The following MCU variants were observed in gnomAD, a reference collection of about 807,000 sequenced individuals.
MCU encodes calcium uniporter protein, mitochondrial.
MCU carries 12 observed loss-of-function variants against 45.2 expected under a neutral mutation model. That is an observed-to-expected ratio of 0.27 (90% CI 0.17 to 0.43). MCU has a LOEUF of 0.43. Ranked by LOEUF, MCU falls within the 20% of genes least tolerant of loss-of-function variation. The pLI, the probability that MCU is intolerant of heterozygous loss-of-function variation, is 1.00. For synonymous variants in MCU, 160 were observed against 165.1 expected, an observed-to-expected ratio of 0.97 and a Z score of 0.24; for missense variants, 324 against 436.7, an observed-to-expected ratio of 0.74 and a Z score of 2.30.
chr10:72,824,372 A>ATTT, intron 1 of MCU, among the ~76,000 whole-genome samples: 1 of 133,756 alleles, frequency 7.5e-6, no homozygotes, highest in East Asian at 2.8e-4. Flanking sequence ...AATTTTTTGT[A>ATTT]TTTTTTTTTT....
Position 72,707,606 on chromosome 10 carries a change from GGTGTGTGTGTGTGT to G in MCU, c.150+15334_150+15347del, listed in dbSNP as rs373225323. 1.7e-3 allele frequency among the ~76,000 whole-genome samples: 225 copies of G among 135,026 alleles called. 2 individuals are homozygous for G. Among genetic ancestry groups the G allele is most frequent in the African/African-American group, 6.1e-3 (193 of 31,814 alleles). 88.6% of individuals were successfully genotyped at this position (135,026 alleles called of 152,430 possible). A position where few individuals can be genotyped will look rare whatever the true frequency, so the allele number is the denominator to read the frequency against. Reference sequence around the variant, plus strand: ...AAATGAAGAGGTGGTCGTGGTGAGTGGTGTGTGTGTGTGTGTGTGTGTGTGTGTGTGTGTGTGTG... The same window carrying G: ...AAATGAAGAGGTGGTCGTGGTGAGTGGTGTGTGTGTGTGTGTGTGTGTGTG... On this transcript the variant is annotated intron_variant, in intron 1 of 7. Transcript: ENST00000373053.
chr10:72,859,655 C>A (rs931848321), intron 3 of MCU, among the ~76,000 whole-genome samples: 3 of 152,128 alleles, frequency 2.0e-5, no homozygotes, highest in African/African-American at 7.2e-5. Flanking sequence ...GACTTTTTAT[C>A]ATTACTTTCG....
At chr10:72,855,473 T>G (rs1845275202) in intron 2 of MCU, among the ~76,000 whole-genome samples, 2 of 151,792 alleles carry the variant, frequency 1.3e-5, no homozygotes, top group Non-Finnish European at 2.9e-5. Context: ...TCCTAGCCAC[T>G]CAGGAAGCTG....
At chr10:72,827,100 C>A (rs1844809754) in intron 1 of MCU, among the ~76,000 whole-genome samples, 1 of 152,182 alleles carries the variant, frequency 6.6e-6, no homozygotes. Flanking sequence ...GAACATATCC[C>A]TCACAGATAA....
chr10:72,833,683 G>A (rs1844912297), intron 1 of MCU, among the ~76,000 whole-genome samples: 1 of 152,198 alleles, frequency 6.6e-6, no homozygotes, highest in African/African-American at 2.4e-5. Flanking sequence ...AGTGAGAAAT[G>A]TATTCAGTAT....
chr10:72,698,256 G>A (rs1842714501), intron 1 of MCU, among the ~76,000 whole-genome samples: 1 of 152,124 alleles, frequency 6.6e-6, no homozygotes, highest in African/African-American at 2.4e-5. Flanking sequence ...AGTGGTTTAA[G>A]TCAAAGGCAA....
intron 1 of MCU, chr10:72,756,917 A>G (rs1843584637): frequency 6.6e-6 from 1 of 151,946 alleles, no homozygotes; most frequent in African/African-American, 2.4e-5. Context: ...ATACACCTGT[A>G]GTCCCAGGTA....
intron 1 of MCU, among the ~76,000 whole-genome samples, chr10:72,728,343 C>T (rs532021120): frequency 2.0e-4 from 31 of 152,146 alleles, no homozygotes; most frequent in South Asian, 6.2e-4. Flanking sequence ...ATTCGCCAAA[C>T]GAGAAAGGCT....
chr10:72,726,742 A>G (rs192580597), intron 1 of MCU, among the ~76,000 whole-genome samples: 6 of 152,314 alleles, frequency 3.9e-5, no homozygotes, highest in Admixed American at 3.9e-4. Flanking sequence ...CATATTTAAT[A>G]ATTACTGCCA....
At chr10:72,715,252 A>G (rs1028252925) in intron 1 of MCU, 24 of 833,760 alleles carry the variant, frequency 2.9e-5, no homozygotes, top group Non-Finnish European at 3.3e-5. Flanking sequence ...ACTATTTGGC[A>G]TGGTTTTTGC....
chr10:72,770,130 T>A (rs1434542619), intron 1 of MCU, among the ~76,000 whole-genome samples: 4 of 152,184 alleles, frequency 2.6e-5, no homozygotes, highest in African/African-American at 9.6e-5. Flanking sequence ...TGTCACTGAT[T>A]TCTAATTTTA....
intron 1 of MCU, among the ~76,000 whole-genome samples, chr10:72,833,476 A>T (rs1259909050): frequency 6.6e-6 from 1 of 152,122 alleles, no homozygotes; most frequent in Non-Finnish European, 1.5e-5. Flanking sequence ...ATCATTTAGG[A>T]CTCTGTGACA....
chr10:72,797,581 C>T (rs1168606595), intron 1 of MCU, among the ~76,000 whole-genome samples: 2 of 141,564 alleles, frequency 1.4e-5, no homozygotes, highest in Non-Finnish European at 3.0e-5. Context: ...GTTGCCAAGA[C>T]TGGAATGCAG....
At chr10:72,869,369 G>A (rs1845505880) in intron 5 of MCU, among the ~76,000 whole-genome samples, 1 of 152,242 alleles carries the variant, frequency 6.6e-6, no homozygotes, top group Non-Finnish European at 1.5e-5. Context: ...CAGATCACCT[G>A]AGGTCAGGAA....
intron 1 of MCU, among the ~76,000 whole-genome samples, chr10:72,702,468 G>A (rs2132650439): frequency 6.6e-6 from 1 of 152,270 alleles, no homozygotes; most frequent in South Asian, 2.1e-4. Context: ...AAATATCTGT[G>A]GAACTCCTGC....
chr10:72,703,139 G>GAATAGC (rs1842779356), intron 1 of MCU, among the ~76,000 whole-genome samples: 2 of 152,202 alleles, frequency 1.3e-5, no homozygotes. Context: ...GTATGCGCAA[G>GAATAGC]AATAGCTGGA....
chr10:72,871,470 G>A lies in MCU; in HGVS notation c.751G>A (p.Ala251Thr). The A allele has an allele frequency of 6.2e-7, 1 of 1,614,190 alleles. No homozygotes were observed. Among genetic ancestry groups the A allele is most frequent in the Non-Finnish European group, 8.5e-7 (1 of 1,180,040 alleles). The change falls in exon 6 of 8, where the codon GCC (alanine) becomes ACC (threonine). Residue 251 changes from alanine to threonine, a missense_variant. By Grantham distance (58) the Ala-to-Thr change is moderately conservative. Around this residue, in one of 4 missense-constraint regions of MCU, gnomAD observed 135 missense variants for 207.3 expected, o/e 0.65. Transcript: ENST00000373053. ...AYMATQFGILARLTWWEYSWD... is the reference protein window; with the variant it reads ...AYMATQFGILTRLTWWEYSWD... ...CATGGCCACACAGTTTGGCATTTTG[G>A]CCCGGCTTACCTGGTGGGAATATTC... is the stretch of plus-strand genomic sequence containing the variant.
intron 1 of MCU, among the ~76,000 whole-genome samples, chr10:72,811,794 T>A (rs966554911): frequency 1.5e-4 from 23 of 152,318 alleles, no homozygotes; most frequent in African/African-American, 5.3e-4. Flanking sequence ...AAAAGATAAT[T>A]TCTCAAGATA....
intron 1 of MCU, among the ~76,000 whole-genome samples, chr10:72,777,366 C>T (rs974595879): frequency 3.9e-5 from 6 of 152,100 alleles, no homozygotes; most frequent in Non-Finnish European, 7.4e-5. Context: ...ACCAATGGAA[C>T]AGAGTTGAGA....
Sources: allele counts gnomAD v4.1 joint callset (sites outside exome capture counted in the v4.1 genomes callset), GRCh38; gene constraint gnomAD v4.1.1; regional missense constraint gnomAD v4.1.1; transcripts MANE v1.5; gene names NCBI Gene and HGNC (gene_info 2026-07-23, HGNC 2026-07-21).